Variants in PSMA1 observed in about 807,000 individuals in gnomAD.
PSMA1 encodes proteasome 20S subunit alpha 1.
A neutral mutation model predicts 38.4 loss-of-function variants in PSMA1; 3 were observed. The ratio of observed to expected loss-of-function variants is 0.08; its 90% CI spans 0.04 to 0.20. The LOEUF (loss-of-function observed/expected upper bound fraction) is 0.20. Ranked by LOEUF, PSMA1 falls within the 10% of genes least tolerant of loss-of-function variation. The pLI is 1.00. For synonymous variants in PSMA1, 101 were observed against 107.1 expected (o/e 0.94, Z 0.35); for missense variants, 227 against 325.3 (o/e 0.70, Z 2.32).
chr11:14,517,534 A>G, intron 4 of PSMA1, 108 bp downstream of exon 4: 3 of 914,946 alleles, frequency 3.3e-6, no homozygotes, highest in African/African-American at 1.7e-5. Context: ...ATCTTAATTT[A>G]CAAGAACTTT....
chr11:14,624,027 A>G (rs1344975660), intron 1 of PSMA1, among the ~76,000 whole-genome samples: 1 of 152,208 alleles, frequency 6.6e-6, no homozygotes. Flanking sequence ...GGTATAGAAT[A>G]CCACACAAAA....
chr11:14,519,130 C>A, intron 1 of PSMA1, 89 bp from the exon 2 acceptor site: 1 of 1,098,862 alleles, frequency 9.1e-7, no homozygotes, highest in Non-Finnish European at 1.4e-6. Flanking sequence ...CTTGTATTTC[C>A]ATTCAATGTT....
intron 9 of PSMA1, among the ~76,000 whole-genome samples, chr11:14,506,091 AG>A (rs745960258): frequency 1.3e-5 from 2 of 152,200 alleles, no homozygotes; most frequent in African/African-American, 2.4e-5. Context: ...AGTCAACAGC[AG>A]GCTATCAGAA....
At chr11:14,642,187 G>A (rs746644104) in intron 1 of PSMA1, among the ~76,000 whole-genome samples, 7 of 152,208 alleles carry the variant, frequency 4.6e-5, no homozygotes, top group South Asian at 4.1e-4. Context: ...AATTTATAAC[G>A]GGAATTTCAA....
intron 2 of PSMA1, among the ~76,000 whole-genome samples, chr11:14,551,552 G>T (rs980204328): frequency 1.3e-5 from 2 of 152,172 alleles, no homozygotes; most frequent in Non-Finnish European, 2.9e-5. Context: ...TGCCTCTGAC[G>T]ATTGCAGCTC....
intron 1 of PSMA1, among the ~76,000 whole-genome samples, chr11:14,625,702 G>GGC (rs1852901522): frequency 1.3e-5 from 2 of 152,154 alleles, no homozygotes; most frequent in African/African-American, 4.8e-5. Flanking sequence ...TGTAGTATAA[G>GGC]GCTCTTTCTA....
At chr11:14,609,827 A>G (rs1443928999) in intron 2 of PSMA1, among the ~76,000 whole-genome samples, 3 of 152,238 alleles carry the variant, frequency 2.0e-5, no homozygotes, top group Non-Finnish European at 4.4e-5. Context: ...TGCAGGGTAC[A>G]GAACAAGGTA....
At chr11:14,599,843 C>G (rs1207907167) in intron 2 of PSMA1, among the ~76,000 whole-genome samples, 1 of 152,200 alleles carries the variant, frequency 6.6e-6, no homozygotes, top group Non-Finnish European at 1.5e-5. Context: ...GAATTTTCAG[C>G]TTTTCTGCTC....
intron 1 of PSMA1, among the ~76,000 whole-genome samples, chr11:14,615,444 T>C (rs577431930): frequency 6.6e-6 from 1 of 152,306 alleles, no homozygotes; most frequent in African/African-American, 2.4e-5. Context: ...AAGAGTACAA[T>C]TGTAATATTT....
At chr11:14,513,980 C>CCTG in intron 5 of PSMA1, 93 bp from the exon 6 acceptor site, 1 of 1,402,492 alleles carries the variant, frequency 7.1e-7, no homozygotes, top group East Asian at 2.8e-5. Flanking sequence ...CTGGCTTATT[C>CCTG]TTTAATTGTT....
intron 2 of PSMA1, among the ~76,000 whole-genome samples, chr11:14,529,760 C>A (rs992351923): frequency 1.3e-5 from 2 of 152,176 alleles, no homozygotes; most frequent in Non-Finnish European, 2.9e-5. Flanking sequence ...TTTCATCTGG[C>A]TATCAGCTCA....
chr11:14,608,694 TTA>T (rs1852673355), intron 2 of PSMA1, among the ~76,000 whole-genome samples: 1 of 147,722 alleles, frequency 6.8e-6, no homozygotes, highest in Non-Finnish European at 1.5e-5. Flanking sequence ...ACATATATGA[TTA>T]TATATGTTAA....
In PSMA1 at chr11:14,625,321, G is replaced by A. The variant is rs570753057; in HGVS notation, c.-165-14170C>T. Among the ~76,000 whole-genome samples, 244 of 152,288 alleles carry A rather than the reference G, an allele frequency of 1.6e-3. 1 individual carries two copies. Among genetic ancestry groups the A allele is most frequent in the Non-Finnish European group, 2.9e-3 (198 of 68,028 alleles). On this transcript the variant is annotated intron_variant, in intron 1 of 10. Transcript: ENST00000418988. ...AAATTAGCTGGGTTTGGTGGTGTGTGCTTGTAATCCTAGCTACTTGGGAGG... is the reference window on the plus strand; with the variant it reads ...AAATTAGCTGGGTTTGGTGGTGTGTACTTGTAATCCTAGCTACTTGGGAGG...
At chr11:14,636,128 C>G (rs965459607) in intron 1 of PSMA1, among the ~76,000 whole-genome samples, 2 of 152,116 alleles carry the variant, frequency 1.3e-5, no homozygotes, top group Non-Finnish European at 2.9e-5. Flanking sequence ...TTTTTCCTGG[C>G]TAAACTTTCT....
chr11:14,591,265 G>A (rs137953588), intron 2 of PSMA1, among the ~76,000 whole-genome samples: 114 of 152,318 alleles, frequency 7.5e-4, no homozygotes, highest in African/African-American at 2.5e-3. Context: ...CCGGCGCTAC[G>A]CTCAATTTCT....
intron 1 of PSMA1, among the ~76,000 whole-genome samples, chr11:14,638,195 T>C (rs1270539576): frequency 1.3e-5 from 2 of 152,132 alleles, no homozygotes; most frequent in Admixed American, 6.5e-5. Flanking sequence ...TAAAGTTTCC[T>C]TCCTTCACAT....
intron 2 of PSMA1, among the ~76,000 whole-genome samples, chr11:14,566,314 G>A (rs1852070769): frequency 6.6e-6 from 1 of 152,214 alleles, no homozygotes; most frequent in Admixed American, 6.5e-5. Context: ...GAGTGGCTTG[G>A]AGCAGAGGGG....
At chr11:14,608,701 T>C (rs1275156554) in intron 2 of PSMA1, among the ~76,000 whole-genome samples, 1 of 147,710 alleles carries the variant, frequency 6.8e-6, no homozygotes, top group East Asian at 1.9e-4. Flanking sequence ...TGATTATATA[T>C]GTTAAAATAT....
intron 7 of PSMA1, 71 bp from the exon 8 acceptor site, chr11:14,511,022 T>G: frequency 9.0e-7 from 1 of 1,114,300 alleles, no homozygotes. Flanking sequence ...TTATCAAATC[T>G]ACAGTCTCAA....
Sources: gnomAD v4.1 joint callset for allele counts (sites outside exome capture counted in the v4.1 genomes callset) on GRCh38, gnomAD v4.1.1 for gene constraint, MANE v1.5 for transcripts, NCBI Gene and HGNC (gene_info 2026-07-23, HGNC 2026-07-21) for gene names.